The following SLC24A4 variants were observed in gnomAD, a reference collection of about 807,000 sequenced individuals.
SLC24A4 encodes sodium/potassium/calcium exchanger 4.
SLC24A4 carries 53 observed loss-of-function variants against 79.0 expected under a neutral mutation model. That is an observed-to-expected ratio of 0.67 (90% CI 0.54 to 0.84). The LOEUF (loss-of-function observed/expected upper bound fraction) is 0.84. Among genes scored for constraint, SLC24A4 ranks in the 40% least tolerant of loss-of-function variants. The probability of loss-of-function intolerance (pLI) is 0.00; values close to 1 mark genes in which losing one functional copy is unlikely to be tolerated. For missense variants in SLC24A4, 731 were observed against 822.0 expected (o/e 0.89, Z 1.35); for synonymous variants, 323 against 323.8 (o/e 1.00, Z 0.03).
chr14:92,448,381 A>ACACACACACAC (rs1555371204), intron 9 of SLC24A4, among the ~76,000 whole-genome samples: 1 of 31,792 alleles, frequency 3.1e-5, no homozygotes, highest in Non-Finnish European at 7.7e-5. Context: ...CACACACACA[A>ACACACACACAC]ATCCCTACTC....
intron 12 of SLC24A4, chr14:92,457,163 G>A (rs530070373): frequency 1.3e-5 from 2 of 158,630 alleles, no homozygotes; most frequent in East Asian, 3.8e-4. Context: ...ATCTCACTTG[G>A]AGTCTGACCT....
intron 15 of SLC24A4, 90 bp from the exon 16 acceptor site, chr14:92,492,085 G>A: frequency 8.5e-7 from 1 of 1,177,112 alleles, no homozygotes; most frequent in Non-Finnish European, 1.3e-6. Flanking sequence ...CCTGATGAGG[G>A]AATGCATTGG....
rs1887011889 is a variant in SLC24A4 at position 92,353,721 on chromosome 14, G to C, written c.241+27743G>C. ...TTTCTGTGTAGGCATTTAATCAGCTGTACCCTACTTGGGCTGTGTTGTCAG... is the reference window on the plus strand; with the variant it reads ...TTTCTGTGTAGGCATTTAATCAGCTCTACCCTACTTGGGCTGTGTTGTCAG... On this transcript the variant is annotated intron_variant, in intron 2 of 16. Coordinates refer to ENST00000532405, the MANE Select transcript of SLC24A4 (RefSeq NM_153646.4). This position sits in a 1 kb window ranked among gnomAD's most constrained non-coding sequence, Gnocchi z 4.1. Among the ~76,000 whole-genome samples the C allele has an allele frequency of 6.6e-6, 1 of 152,136 alleles. No homozygotes were observed. The highest frequency in any genetic ancestry group is 2.1e-4 in the South Asian group (1 of 4,822).
intron 8 of SLC24A4, among the ~76,000 whole-genome samples, chr14:92,447,058 C>T (rs1009448780): frequency 3.3e-5 from 5 of 152,200 alleles, no homozygotes; most frequent in Non-Finnish European, 7.3e-5. Context: ...CACTAGCCTC[C>T]GTGAATACTG....
chr14:92,344,350 GT>G (rs2141626718), intron 2 of SLC24A4, among the ~76,000 whole-genome samples: 1 of 152,344 alleles, frequency 6.6e-6, no homozygotes, highest in African/African-American at 2.4e-5. Flanking sequence ...GAAACAATGT[GT>G]GTTATACGCC....
At chr14:92,446,541 C>G (rs1892807714) in intron 8 of SLC24A4, among the ~76,000 whole-genome samples, 1 of 152,218 alleles carries the variant, frequency 6.6e-6, no homozygotes, top group Admixed American at 6.5e-5. Context: ...TTCTGGTCCT[C>G]TCCTGGCCCC....
intron 12 of SLC24A4, chr14:92,457,492 T>C (rs67643956): frequency 0.068 from 10,425 of 152,756 alleles, 474 homozygotes; most frequent in East Asian, 0.14. Context: ...CTGCTTAAAC[T>C]GTCAGCTCCA....
intron 2 of SLC24A4, among the ~76,000 whole-genome samples, chr14:92,345,075 G>A (rs1314046908): frequency 6.6e-6 from 1 of 152,162 alleles, no homozygotes; most frequent in Non-Finnish European, 1.5e-5. Flanking sequence ...TGCAGGGTGG[G>A]CCCAATTAGG....
chr14:92,456,707 G>A lies in SLC24A4; in HGVS notation c.1255+99G>A, dbSNP rs1196943927. The stretch of plus-strand genomic sequence containing the variant: ...GATGGAGGCATGGACTTGTAAGGGC[G>A]GCAGAGGGCTGGTGCAAAGGGTCGA... On this transcript the variant is annotated intron_variant, in intron 12 of 16. Coordinates refer to ENST00000532405, the MANE Select transcript of SLC24A4 (RefSeq NM_153646.4). 27 of 1,241,980 alleles carry A rather than the reference G, an allele frequency of 2.2e-5. No homozygotes were observed. The East Asian group carries it at 5.0e-4, about 23-fold the overall frequency. The allele number at this position is 1,241,980 out of a possible 1,614,324, so 76.9% of individuals were successfully genotyped here. A position where few individuals can be genotyped will look rare whatever the true frequency, so the allele number is the denominator to read the frequency against.
chr14:92,399,111 A>G (rs916836117), intron 2 of SLC24A4, among the ~76,000 whole-genome samples: 2 of 152,202 alleles, frequency 1.3e-5, no homozygotes, highest in African/African-American at 4.8e-5. Context: ...AGCCCTGCTA[A>G]TTTATTCAGG....
rs577911480 is a variant in SLC24A4 at position 92,406,410 on chromosome 14, G to A, written c.242-27502G>A. Among the ~76,000 whole-genome samples the A allele has an allele frequency of 4.6e-5, 7 of 152,344 alleles. 1 individual carries two copies. The East Asian group carries it at 1.4e-3, about 29-fold the overall frequency. Reference sequence around the variant, plus strand: ...CACAGCTCCACTAGGTAGTGCTCCAGTTTGGACTCTGTATGGGGGCTCCAA... The same window carrying A: ...CACAGCTCCACTAGGTAGTGCTCCAATTTGGACTCTGTATGGGGGCTCCAA... On this transcript the variant is annotated intron_variant, in intron 2 of 16. Transcript: ENST00000532405.
Position 92,331,935 on chromosome 14 carries a change from C to G in SLC24A4, c.241+5957C>G, listed in dbSNP as rs552601681. Among the ~76,000 whole-genome samples, 4 of 152,310 alleles carry G rather than the reference C, an allele frequency of 2.6e-5. No individual in the cohort carries two copies. The South Asian group carries it at 8.3e-4, about 32-fold the overall frequency. On this transcript the variant is annotated intron_variant, in intron 2 of 16. Coordinates refer to ENST00000532405, the MANE Select transcript of SLC24A4 (RefSeq NM_153646.4). ...AATAAAATTTTTCCTCTAGCTTACTCTATGTAAGAATACAGTGATACAGTG... is the reference window on the plus strand; with the variant it reads ...AATAAAATTTTTCCTCTAGCTTACTGTATGTAAGAATACAGTGATACAGTG...
At chr14:92,333,686 C>G (rs1405547626) in intron 2 of SLC24A4, among the ~76,000 whole-genome samples, 1 of 152,180 alleles carries the variant, frequency 6.6e-6, no homozygotes, top group African/African-American at 2.4e-5. Flanking sequence ...AAAGGTGCTT[C>G]GTAGCATTTC....
At chr14:92,461,805 A>ATTCATGCCT (rs1179125003) in intron 12 of SLC24A4, among the ~76,000 whole-genome samples, 1 of 152,112 alleles carries the variant, frequency 6.6e-6, no homozygotes, top group Non-Finnish European at 1.5e-5. Flanking sequence ...GTATCCCCTC[A>ATTCATGCCT]TTCATGCCTT....
chr14:92,466,431 A>C (rs2139878007), intron 12 of SLC24A4, among the ~76,000 whole-genome samples: 1 of 152,266 alleles, frequency 6.6e-6, no homozygotes, highest in South Asian at 2.1e-4. Context: ...AAGCATCCTA[A>C]TGCTGGCATA....
intron 2 of SLC24A4, among the ~76,000 whole-genome samples, chr14:92,341,852 G>A (rs567409694): frequency 6.6e-6 from 1 of 152,308 alleles, no homozygotes; most frequent in South Asian, 2.1e-4. Context: ...ATTTCTGAGT[G>A]ATTCTTCTCT....
At position 92,441,763 on chromosome 14, in the gene SLC24A4, C is replaced by T. The variant is rs889722917; in HGVS notation, c.394-326C>T. ...TTCAGTAACAGCAGATAAAACACAT[C>T]GTGTATCTGAGGGAAGTGGCTAGCT... On this transcript the variant is annotated intron_variant, in intron 4 of 16. Transcript: ENST00000532405. This position sits in a 1 kb window ranked among gnomAD's most constrained non-coding sequence, Gnocchi z 4.6. Among the ~76,000 whole-genome samples, 3 of 152,174 alleles carry T rather than the reference C, an allele frequency of 2.0e-5. No individual in the cohort carries two copies. Among genetic ancestry groups the T allele is most frequent in the Middle Eastern group, 3.2e-3 (1 of 316 alleles).
rs976102291 is a variant in SLC24A4 at position 92,404,224 on chromosome 14, A to G, written c.242-29688A>G. Among the ~76,000 whole-genome samples the G allele has an allele frequency of 6.6e-5, 10 of 152,174 alleles. No homozygotes were observed. The East Asian group carries it at 1.9e-3, about 29-fold the overall frequency. On this transcript the variant is annotated intron_variant, in intron 2 of 16. Coordinates refer to ENST00000532405, the MANE Select transcript of SLC24A4 (RefSeq NM_153646.4). ...TGCTACCATCGTCTCTGGCTGGACT[A>G]TTGCATAGCCCAGCTGGTCTTGCTT...
chr14:92,481,376 T>G (rs1188516423), intron 12 of SLC24A4, among the ~76,000 whole-genome samples: 1 of 152,364 alleles, frequency 6.6e-6, no homozygotes, highest in East Asian at 1.9e-4. Context: ...GATTTAATAA[T>G]TGCCTCTAAT....
Sources: gnomAD v4.1 joint callset for allele counts (sites outside exome capture counted in the v4.1 genomes callset) on GRCh38, gnomAD v4.1.1 for gene constraint, Gnocchi (gnomAD v3.1) non-coding constraint, MANE v1.5 for transcripts, NCBI Gene and HGNC (gene_info 2026-07-23, HGNC 2026-07-21) for gene names.